The following BMP5 variants were observed in gnomAD, a reference collection of about 807,000 sequenced individuals.
The protein encoded by BMP5 is bone morphogenetic protein 5.
BMP5 carries 23 observed loss-of-function variants against 46.6 expected under a neutral mutation model. The ratio of observed to expected loss-of-function variants is 0.49; its 90% CI spans 0.35 to 0.70. The LOEUF is 0.70. BMP5 is among the 30% of genes least tolerant of loss of function. The pLI, the probability that BMP5 is intolerant of heterozygous loss-of-function variation, is 0.00. For synonymous variants in BMP5, 204 were observed against 191.9 expected, an observed-to-expected ratio of 1.06 and a Z score of -0.52; for missense variants, 545 against 565.6, an observed-to-expected ratio of 0.96 and a Z score of 0.37.
intron 2 of BMP5, among the ~76,000 whole-genome samples, chr6:55,815,789 A>G (rs1005084776): frequency 3.3e-5 from 5 of 152,176 alleles, no homozygotes; most frequent in Admixed American, 3.3e-4. Flanking sequence ...ATGGACTGTT[A>G]ATAAAAATAA....
chr6:55,780,276 TACCCTG>T (rs1280355845), intron 3 of BMP5, among the ~76,000 whole-genome samples: 1 of 151,398 alleles, frequency 6.6e-6, no homozygotes, highest in African/African-American at 2.4e-5. Context: ...TTAGTAGCAG[TACCCTG>T]ACACACTGAT....
intron 2 of BMP5, among the ~76,000 whole-genome samples, chr6:55,799,903 C>A (rs1775802612): frequency 6.6e-6 from 1 of 152,114 alleles, no homozygotes; most frequent in Non-Finnish European, 1.5e-5. Context: ...TTTGCACAGA[C>A]CTCCCCACAG....
chr6:55,853,138 T>TAAATAAAATAAAATAAAATAAAATA (rs750937640), intron 1 of BMP5, among the ~76,000 whole-genome samples: 6 of 107,486 alleles, frequency 5.6e-5, no homozygotes, highest in South Asian at 3.3e-4. Flanking sequence ...CTCAAATACA[T>TAAATAAAATAAAATAAAATAAAATA]AAATAAAATA....
chr6:55,847,857 G>T (rs2127548227), intron 1 of BMP5, among the ~76,000 whole-genome samples: 1 of 151,722 alleles, frequency 6.6e-6, no homozygotes, highest in Non-Finnish European at 1.5e-5. Flanking sequence ...TTTTTAAAAG[G>T]ACTACTAGGG....
chr6:55,861,877 T>C (rs1336116530), intron 1 of BMP5, among the ~76,000 whole-genome samples: 1 of 152,200 alleles, frequency 6.6e-6, no homozygotes, highest in Non-Finnish European at 1.5e-5. Context: ...GCACAGCATA[T>C]CAGTGAATAG....
intron 1 of BMP5, among the ~76,000 whole-genome samples, chr6:55,852,585 C>T (rs905258448): frequency 4.0e-5 from 6 of 151,846 alleles, no homozygotes; most frequent in Admixed American, 1.3e-4. Flanking sequence ...AGAAGAAATC[C>T]ATTGTGTTTT....
At chr6:55,830,525 C>A (rs1437642226) in intron 1 of BMP5, among the ~76,000 whole-genome samples, 1 of 152,042 alleles carries the variant, frequency 6.6e-6, no homozygotes, top group Non-Finnish European at 1.5e-5. Flanking sequence ...AAGATGCACA[C>A]CTGGAAACAA....
At chr6:55,863,874 A>C (rs781695576) in intron 1 of BMP5, among the ~76,000 whole-genome samples, 1 of 152,182 alleles carries the variant, frequency 6.6e-6, no homozygotes, top group African/African-American at 2.4e-5. Context: ...CTTAGGAGCA[A>C]TAGGCTTTAC....
intron 4 of BMP5, among the ~76,000 whole-genome samples, chr6:55,762,424 C>A (rs1774810360): frequency 6.6e-6 from 1 of 152,004 alleles, no homozygotes; most frequent in African/African-American, 2.4e-5. Context: ...AAAAAACAAG[C>A]TAATGATTAA....
intron 2 of BMP5, among the ~76,000 whole-genome samples, chr6:55,806,919 T>G (rs1057180301): frequency 6.6e-6 from 1 of 152,188 alleles, no homozygotes. Context: ...ACATTGATTT[T>G]GTATCCTGAG....
intron 1 of BMP5, among the ~76,000 whole-genome samples, chr6:55,868,573 T>C (rs1217844435): frequency 1.1e-5 from 1 of 94,690 alleles, no homozygotes; most frequent in Non-Finnish European, 1.9e-5. Flanking sequence ...AATCTACAAA[T>C]AGTATTTTTT....
chr6:55,824,001 A>C (rs532051535), intron 1 of BMP5, among the ~76,000 whole-genome samples: 35 of 151,950 alleles, frequency 2.3e-4, no homozygotes, highest in Non-Finnish European at 4.9e-4. Flanking sequence ...TTTAATTTTG[A>C]CATAATTGTG....
chr6:55,783,390 T>G (rs1324340896), intron 3 of BMP5, among the ~76,000 whole-genome samples: 1 of 152,016 alleles, frequency 6.6e-6, no homozygotes, highest in Non-Finnish European at 1.5e-5. Flanking sequence ...TTTGTTTCTG[T>G]TTTGGTTTTC....
intron 2 of BMP5, among the ~76,000 whole-genome samples, chr6:55,798,944 C>G (rs1336738433): frequency 6.6e-6 from 1 of 152,110 alleles, no homozygotes; most frequent in Non-Finnish European, 1.5e-5. Context: ...CAAAATTCAG[C>G]AGAATTTAAG....
intron 2 of BMP5, among the ~76,000 whole-genome samples, chr6:55,808,838 G>A (rs886144442): frequency 6.6e-6 from 1 of 152,088 alleles, no homozygotes; most frequent in Non-Finnish European, 1.5e-5. Flanking sequence ...CTCGGTTGCT[G>A]GTGTAGGATT....
In BMP5 at chr6:55,774,130, T is replaced by G; in HGVS notation, c.946A>C (p.Arg316=). 2.5e-6 allele frequency: 4 copies of G among 1,613,210 alleles called. No homozygotes were observed. The highest frequency in any genetic ancestry group is 3.4e-6 in the Non-Finnish European group (4 of 1,179,484). Residue 316 remains arginine, a synonymous_variant, in exon 4 of 7, where the codon AGA becomes CGA. Coordinates refer to ENST00000370830, the MANE Select transcript of BMP5 (RefSeq NM_021073.4). Reference sequence around the variant, plus strand: ...TGATTTTTTCGTTTGTTGGCTGCTCTCACGGATCGAAGAAGTACCTCACTC... The same window carrying G: ...TGATTTTTTCGTTTGTTGGCTGCTCGCACGGATCGAAGAAGTACCTCACTC... ...KASEVLLRSV[R]AANKRKNQNR... is the part of the protein sequence containing the mutation.
intron 1 of BMP5, among the ~76,000 whole-genome samples, 168 bp downstream of exon 1, chr6:55,874,208 T>C (rs1777847518): frequency 6.6e-6 from 1 of 152,060 alleles, no homozygotes; most frequent in African/African-American, 2.4e-5. Flanking sequence ...TATATATATA[T>C]GACTTTTTGC....
At chr6:55,789,036 T>C (rs1417733228) in intron 3 of BMP5, among the ~76,000 whole-genome samples, 1 of 151,806 alleles carries the variant, frequency 6.6e-6, no homozygotes, top group African/African-American at 2.4e-5. Flanking sequence ...CTTGATGTGG[T>C]TGAAAATTAT....
chr6:55,799,556 A>G (rs1428857856), intron 2 of BMP5, among the ~76,000 whole-genome samples: 2 of 152,194 alleles, frequency 1.3e-5, no homozygotes, highest in African/African-American at 4.8e-5. Context: ...CTTGAAAGCT[A>G]ATCCACTCTA....
Sources: gnomAD v4.1 joint callset for allele counts (sites outside exome capture counted in the v4.1 genomes callset) on GRCh38, gnomAD v4.1.1 for gene constraint, MANE v1.5 for transcripts, NCBI Gene and HGNC (gene_info 2026-07-23, HGNC 2026-07-21) for gene names.